The following ROR2 variants were observed in gnomAD, a reference collection of about 807,000 sequenced individuals.
The protein encoded by ROR2 is ROR family WNT receptor 2.
In ROR2, 33 loss-of-function variants were observed where a neutral mutation model predicts 74.9. The observed-to-expected ratio is 0.44, with a 90% confidence interval of 0.33 to 0.59. The LOEUF (loss-of-function observed/expected upper bound fraction) is 0.59, where lower values mean the gene tolerates loss of function less well. ROR2 is among the 20% of genes least tolerant of loss of function. The pLI is 0.02. For missense variants in ROR2, 1,216 were observed against 1,313.8 expected, an observed-to-expected ratio of 0.93 and a Z score of 1.15; for synonymous variants, 586 against 558.7, an observed-to-expected ratio of 1.05 and a Z score of -0.69.
chr9:91,873,696 A>G (rs1188398734), intron 1 of ROR2, among the ~76,000 whole-genome samples: 6 of 152,202 alleles, frequency 3.9e-5, no homozygotes, highest in Non-Finnish European at 8.8e-5. Context: ...CGGCAGATGT[A>G]CACACCACCT....
intron 2 of ROR2, among the ~76,000 whole-genome samples, chr9:91,759,567 C>T (rs111350708): frequency 6.2e-4 from 94 of 152,266 alleles, no homozygotes; most frequent in African/African-American, 2.0e-3. Context: ...CCCATGCTCC[C>T]GTCTACTGGA....
rs145494023 is a variant in ROR2 at position 91,724,568 on chromosome 9, G to A, written c.1926C>T (p.Ala642=). 1.1e-5 allele frequency: 18 copies of A among 1,614,112 alleles called. No individual in the cohort carries two copies. The highest frequency in any genetic ancestry group is 8.9e-5 in the East Asian group (4 of 44,890). ...SDLGLFREVY[A]ADYYKLLGNS... ...TCCCCAGCAGCTTGTAGTAATCGGCGGCATACACCTCTCGGAAGAGGCCCA... is the reference window on the plus strand; with the variant it reads ...TCCCCAGCAGCTTGTAGTAATCGGCAGCATACACCTCTCGGAAGAGGCCCA... The change falls in exon 9 of 9, where the codon GCC becomes GCT. Residue 642 remains alanine (A), a synonymous_variant. Transcript: ENST00000375708.
chr9:91,813,119 GA>G (rs951334328), intron 1 of ROR2, among the ~76,000 whole-genome samples: 1 of 147,684 alleles, frequency 6.8e-6, no homozygotes. Flanking sequence ...TTTACTTTTA[GA>G]AAAAAAAAAT....
chr9:91,943,474 C>T (rs367573680), intron 1 of ROR2, among the ~76,000 whole-genome samples: 2 of 152,162 alleles, frequency 1.3e-5, no homozygotes, highest in Non-Finnish European at 1.5e-5. Context: ...TTGCCTTCCC[C>T]TATTCCATCC....
At chr9:91,758,285 G>A (rs1386642537) in intron 2 of ROR2, among the ~76,000 whole-genome samples, 2 of 152,174 alleles carry the variant, frequency 1.3e-5, no homozygotes, top group Non-Finnish European at 2.9e-5. Context: ...CACAATTACG[G>A]AATCTGCAAA....
rs556915770 is a variant in ROR2, at chr9:91,943,388, A to G, written c.97+6479T>C. 9.9e-5 allele frequency among the ~76,000 whole-genome samples: 15 copies of G among 151,988 alleles called. No individual in the cohort carries two copies. The South Asian group carries it at 3.1e-3, about 32-fold the overall frequency. On this transcript the variant is annotated intron_variant, in intron 1 of 8. Transcript: ENST00000375708. ...CGGTGCATAATTTAACATAATATAT[A>G]CCAAATATATATATAAATGAAAGCA...
chr9:91,846,586 A>C (rs1447644975), intron 1 of ROR2, among the ~76,000 whole-genome samples: 1 of 152,138 alleles, frequency 6.6e-6, no homozygotes, highest in Non-Finnish European at 1.5e-5. Context: ...CAGAGAATTG[A>C]AGGTTCTCAA....
intron 4 of ROR2, among the ~76,000 whole-genome samples, chr9:91,738,976 G>A (rs1825129055): frequency 6.6e-6 from 1 of 152,290 alleles, no homozygotes; most frequent in South Asian, 2.1e-4. Context: ...ATTTTAAAGT[G>A]GTGCTCAGGA....
intron 1 of ROR2, among the ~76,000 whole-genome samples, chr9:91,802,888 G>C (rs1241301889): frequency 6.6e-6 from 1 of 152,154 alleles, no homozygotes; most frequent in Non-Finnish European, 1.5e-5. Flanking sequence ...ACAAACTTCA[G>C]CAGACATTTC....
chr9:91,724,491 T>C lies in ROR2; in HGVS notation c.2003A>G (p.Lys668Arg). ...WMAPEAIMYG[K>R]FSIDSDIWSY... ...CCAGATGTCTGAGTCGATGGAGAAC[T>C]TGCCGTACATGATGGCCTCTGGGGC... The change falls in exon 9 of 9, where the codon AAG becomes AGG. Residue 668 changes from lysine to arginine, a missense_variant. Coordinates refer to ENST00000375708, the MANE Select transcript of ROR2 (RefSeq NM_004560.4). 6.2e-7 allele frequency: 1 copy of C among 1,614,214 alleles called. No homozygotes were observed. The highest frequency in any genetic ancestry group is 8.5e-7 in the Non-Finnish European group (1 of 1,180,034).
intron 4 of ROR2, among the ~76,000 whole-genome samples, chr9:91,739,343 T>C (rs1379262236): frequency 2.0e-5 from 3 of 151,656 alleles, no homozygotes; most frequent in East Asian, 1.9e-4. Context: ...CCCACCTCTA[T>C]AAAAAATACA....
At chr9:91,810,937 G>A (rs1397763909) in intron 1 of ROR2, among the ~76,000 whole-genome samples, 2 of 152,242 alleles carry the variant, frequency 1.3e-5, no homozygotes, top group Non-Finnish European at 2.9e-5. Context: ...GAAGGTACAA[G>A]GACAAGTGGT....
intron 1 of ROR2, among the ~76,000 whole-genome samples, chr9:91,907,872 C>CT (rs1830859673): frequency 6.6e-6 from 1 of 152,216 alleles, no homozygotes. Flanking sequence ...TGCCCCACCC[C>CT]AGGTCAGCTT....
chr9:91,866,768 T>C (rs1428369314), intron 1 of ROR2, among the ~76,000 whole-genome samples: 1 of 152,170 alleles, frequency 6.6e-6, no homozygotes, highest in Non-Finnish European at 1.5e-5. Flanking sequence ...AGCTTAATAT[T>C]GCCACATAAG....
At chr9:91,838,972 G>A (rs984133223) in intron 1 of ROR2, among the ~76,000 whole-genome samples, 5 of 152,176 alleles carry the variant, frequency 3.3e-5, no homozygotes, top group African/African-American at 1.2e-4. Flanking sequence ...CAGTTTGGGA[G>A]AGAGGGAAAT....
chr9:91,801,338 T>C (rs1216900633), intron 1 of ROR2, among the ~76,000 whole-genome samples: 1 of 152,140 alleles, frequency 6.6e-6, no homozygotes, highest in Non-Finnish European at 1.5e-5. Context: ...GCTTTTTTAT[T>C]TTATTTTATT....
chr9:91,763,431 A>G (rs1825973093), intron 2 of ROR2, among the ~76,000 whole-genome samples: 1 of 152,208 alleles, frequency 6.6e-6, no homozygotes, highest in Non-Finnish European at 1.5e-5. Flanking sequence ...TTTGTACTTC[A>G]CTAACAATAT....
chr9:91,857,976 G>A (rs150068908), intron 1 of ROR2, among the ~76,000 whole-genome samples: 37 of 152,266 alleles, frequency 2.4e-4, no homozygotes, highest in African/African-American at 8.7e-4. Flanking sequence ...TGGAAACGAC[G>A]ACCACAGGTC....
intron 1 of ROR2, among the ~76,000 whole-genome samples, chr9:91,879,666 T>TATATATATTA (rs1830052135): frequency 6.6e-6 from 1 of 152,086 alleles, no homozygotes; most frequent in Non-Finnish European, 1.5e-5. Context: ...CCCACTCTCT[T>TATATATATTA]CCTTCTATAT....
Sources: gnomAD v4.1 joint callset for allele counts (sites outside exome capture counted in the v4.1 genomes callset) on GRCh38, gnomAD v4.1.1 for gene constraint, MANE v1.5 for transcripts, NCBI Gene and HGNC (gene_info 2026-07-23, HGNC 2026-07-21) for gene names.